The following SYCE2 variants were observed in gnomAD, a reference collection of about 807,000 sequenced individuals.
SYCE2 encodes synaptonemal complex central element protein 2, also known as central element synaptonemal complex 1.
SYCE2 carries 3 observed loss-of-function variants against 27.9 expected under a neutral mutation model. The ratio of observed to expected loss-of-function variants is 0.11; its 90% confidence interval spans 0.05 to 0.28. The LOEUF is 0.28. SYCE2 is among the 10% of genes least tolerant of loss of function. The pLI is 1.00. For missense variants in SYCE2, 207 were observed against 263.5 expected (o/e 0.79, Z 1.48); for synonymous variants, 85 against 100.7 (o/e 0.84, Z 0.93).
Position 12,899,240 on chromosome 19 carries a change from A to G in SYCE2, c.*101T>C, listed in dbSNP as rs1970772629. ...TTTTTGTTTTTTTCTGCCAAGATGC[A>G]TTATAGAACCATGAAAAACAATTTC... is the stretch of plus-strand genomic sequence containing the variant. On this transcript the variant is annotated 3_prime_UTR_variant, in exon 6 of 6. Transcript: ENST00000293695. 6 of 1,103,952 alleles carry G rather than the reference A, an allele frequency of 5.4e-6. No individual in the cohort carries two copies. The highest frequency in any genetic ancestry group is 8.2e-6 in the Non-Finnish European group (6 of 729,370). 68.4% of individuals were successfully genotyped at this position (1,103,952 alleles called of 1,614,324 possible).
intron 2 of SYCE2, among the ~76,000 whole-genome samples, chr19:12,917,386 C>T (rs1971156169): frequency 6.6e-6 from 1 of 151,490 alleles, no homozygotes; most frequent in South Asian, 2.1e-4. Context: ...TTTTTTGAGA[C>T]GGAGTCTCAC....
intron 2 of SYCE2, among the ~76,000 whole-genome samples, chr19:12,913,819 A>G (rs1191962733): frequency 2.0e-5 from 3 of 152,060 alleles, no homozygotes; most frequent in Non-Finnish European, 4.4e-5. Flanking sequence ...CAAACAAACG[A>G]CTTCAACCAT....
chr19:12,902,176 G>A (rs1184796755), intron 3 of SYCE2, among the ~76,000 whole-genome samples: 1 of 152,128 alleles, frequency 6.6e-6, no homozygotes. Context: ...TAGCCTAGGT[G>A]TGTAGTAGAC....
chr19:12,901,205 T>TAAATAAATACAC (rs1555752677), intron 3 of SYCE2, among the ~76,000 whole-genome samples: 2 of 149,816 alleles, frequency 1.3e-5, no homozygotes, highest in African/African-American at 4.9e-5. Context: ...AATAAATAAA[T>TAAATAAATACAC]AAATACACAA....
rs150271870 is a variant in SYCE2 at position 12,899,523 on chromosome 19, G to A, written c.613-138C>T. On this transcript the variant is annotated intron_variant, in intron 5 of 5. Transcript: ENST00000293695. ...GGAGAGCTATCACGGGAATCCAGGC[G>A]TTCACGGCCAGCAAGTGAGCCGCTC... 90 of 1,614,016 alleles carry A rather than the reference G, an allele frequency of 5.6e-5. No individual in the cohort carries two copies. The South Asian group carries it at 5.6e-4, about 10-fold the overall frequency.
intron 2 of SYCE2, among the ~76,000 whole-genome samples, chr19:12,906,393 C>G (rs1970934984): frequency 6.6e-6 from 1 of 152,114 alleles, no homozygotes; most frequent in Non-Finnish European, 1.5e-5. Flanking sequence ...ATTGTGTTAA[C>G]AAGTGAAATA....
chr19:12,901,344 C>G (rs1970834269), intron 3 of SYCE2, among the ~76,000 whole-genome samples: 1 of 150,674 alleles, frequency 6.6e-6, no homozygotes, highest in African/African-American at 2.4e-5. Context: ...CCATTGCACT[C>G]TAACCTGGGC....
chr19:12,910,678 T>C (rs1249190544), intron 2 of SYCE2, among the ~76,000 whole-genome samples: 2 of 145,380 alleles, frequency 1.4e-5, no homozygotes, highest in East Asian at 3.9e-4. Context: ...TGACCTTTTA[T>C]ATATATATAT....
intron 2 of SYCE2, among the ~76,000 whole-genome samples, chr19:12,908,205 C>G (rs1267393223): frequency 6.6e-6 from 1 of 151,912 alleles, no homozygotes; most frequent in East Asian, 1.9e-4. Flanking sequence ...CGGTCTCCCC[C>G]AGCCGGCCAC....
chr19:12,912,158 G>A (rs1599639569), intron 2 of SYCE2, among the ~76,000 whole-genome samples: 1 of 150,572 alleles, frequency 6.6e-6, no homozygotes, highest in African/African-American at 2.5e-5. Context: ...GGCTGGTCTC[G>A]AACTCCTGAC....
chr19:12,907,616 C>T (rs903929951), intron 2 of SYCE2, among the ~76,000 whole-genome samples: 1 of 151,870 alleles, frequency 6.6e-6, no homozygotes, highest in Non-Finnish European at 1.5e-5. Context: ...CATGGTGAAA[C>T]CCCGTCTCTA....
At chr19:12,905,838 CTA>C (rs1472851776) in intron 2 of SYCE2, among the ~76,000 whole-genome samples, 1 of 152,144 alleles carries the variant, frequency 6.6e-6, no homozygotes, top group Admixed American at 6.6e-5. Flanking sequence ...CTGGGCTTCA[CTA>C]TGTTATTCAG....
rs776544693 is a variant in SYCE2, at chr19:12,900,663, G to A, written c.307-15C>T. Reference sequence around the variant, plus strand: ...AGATCCGAAACCTGTTAAACAATAAGATGTGTTCTCGGAAAATCAAACAAG... The same window carrying A: ...AGATCCGAAACCTGTTAAACAATAAAATGTGTTCTCGGAAAATCAAACAAG... On this transcript the variant is annotated splice_polypyrimidine_tract_variant and intron_variant, in intron 3 of 5. Transcript: ENST00000293695. 9.3e-6 allele frequency: 15 copies of A among 1,605,306 alleles called. No individual in the cohort carries two copies. Among genetic ancestry groups the A allele is most frequent in the Non-Finnish European group, 1.3e-5 (15 of 1,174,358 alleles).
intron 2 of SYCE2, among the ~76,000 whole-genome samples, chr19:12,905,481 G>A (rs1278164463): frequency 1.3e-5 from 2 of 151,692 alleles, no homozygotes; most frequent in African/African-American, 2.4e-5. Context: ...ACAGGCGCCC[G>A]CCACCACGTC....
intron 2 of SYCE2, among the ~76,000 whole-genome samples, chr19:12,910,685 A>G (rs746313183): frequency 1.4e-5 from 2 of 143,214 alleles, no homozygotes; most frequent in Admixed American, 1.4e-4. Flanking sequence ...TTATATATAT[A>G]TATTTTTTTT....
chr19:12,904,101 C>T (rs1336737494), intron 3 of SYCE2, among the ~76,000 whole-genome samples: 2 of 152,212 alleles, frequency 1.3e-5, no homozygotes, highest in Admixed American at 1.3e-4. Flanking sequence ...GGCTGCTCGA[C>T]CTTGCGTGAA....
chr19:12,913,134 G>C (rs1971077016), intron 2 of SYCE2, among the ~76,000 whole-genome samples: 1 of 152,218 alleles, frequency 6.6e-6, no homozygotes, highest in Admixed American at 6.5e-5. Context: ...CCTGCGCCCG[G>C]ATTGGGCAGC....
At chr19:12,914,781 G>A (rs1971108790) in intron 2 of SYCE2, among the ~76,000 whole-genome samples, 1 of 152,206 alleles carries the variant, frequency 6.6e-6, no homozygotes, top group African/African-American at 2.4e-5. Context: ...GGCTAATTTT[G>A]TATTTTTAGT....
At chr19:12,907,383 C>T (rs1457514791) in intron 2 of SYCE2, among the ~76,000 whole-genome samples, 1 of 152,208 alleles carries the variant, frequency 6.6e-6, no homozygotes, top group African/African-American at 2.4e-5. Context: ...ATTTCCTCGT[C>T]GCCCTCTGAG....
Sources: gnomAD v4.1 joint callset for allele counts (sites outside exome capture counted in the v4.1 genomes callset) on GRCh38, gnomAD v4.1.1 for gene constraint, MANE v1.5 for transcripts, NCBI Gene and HGNC (gene_info 2026-07-23, HGNC 2026-07-21) for gene names.